Variants in LEMD1 observed in about 807,000 individuals in gnomAD.
The protein encoded by LEMD1 is LEM domain containing 1, also known as LEM domain-containing protein 1.
Under a neutral mutation model 17.4 loss-of-function variants are expected in LEMD1, and 18 were observed. The observed-to-expected ratio is 1.04, with a 90% CI of 0.72 to 1.54. The LOEUF is 1.54. Ranked by LOEUF, LEMD1 falls within the 40% of genes most tolerant of loss-of-function variation. The pLI is 0.00. For missense variants in LEMD1, 195 were observed against 210.4 expected (o/e 0.93, Z 0.45); for synonymous variants, 88 against 77.8 (o/e 1.13, Z -0.69).
chr1:205,410,742 T>C lies in LEMD1; in HGVS notation c.270+5490A>G, dbSNP rs1665350980. ...GTAGCGAGGCATGGTGCCCCGTGCC[T>C]GTAGTCCCAGCTACTTGGGAGGCTG... On this transcript the variant is annotated intron_variant, in intron 4 of 5. Transcript: ENST00000367153. Among the ~76,000 whole-genome samples, 2 of 152,140 alleles carry C rather than the reference T, an allele frequency of 1.3e-5. 1 individual carries two copies. Among genetic ancestry groups the C allele is most frequent in the South Asian group, 4.1e-4 (2 of 4,824 alleles).
upstream of LEMD1, among the ~76,000 whole-genome samples, chr1:205,426,483 T>G (rs997066524): frequency 2.0e-5 from 3 of 152,090 alleles, no homozygotes; most frequent in African/African-American, 7.2e-5. Context: ...AAATCTCCCC[T>G]GGTTGGGGGT....
rs934873487 is a variant in LEMD1, at chr1:205,441,447, CT to C, written c.-39+8420del. Among the ~76,000 whole-genome samples the C allele has an allele frequency of 2.0e-5, 3 of 152,174 alleles. No homozygotes were observed. Among genetic ancestry groups the C allele is most frequent in the Non-Finnish European group, 4.4e-5 (3 of 68,032 alleles). On this transcript the variant is annotated intron_variant, in intron 1 of 3. Transcript: ENST00000367154. The surrounding 1 kb of genome is among the most constrained non-coding windows in gnomAD (Gnocchi z 4.3). ...TAAAATAGCCTCCGGCTTGTGCCACCTTACACCAGGTTCTAGCTGGGGGCTT... is the reference window on the plus strand; with the variant it reads ...TAAAATAGCCTCCGGCTTGTGCCACCTACACCAGGTTCTAGCTGGGGGCTT...
chr1:205,381,623 G>A lies in LEMD1; in HGVS notation c.*35C>T. Reference sequence around the variant, plus strand: ...TTTTGGTTCTTTCCTGAAGCAGGAGGCCTCGCTTGGAGCATTGCTTTGCTC... The same window carrying A: ...TTTTGGTTCTTTCCTGAAGCAGGAGACCTCGCTTGGAGCATTGCTTTGCTC... On this transcript the variant is annotated 3_prime_UTR_variant, in exon 6 of 6. Transcript: ENST00000367153. 1 of 1,599,562 alleles carries A rather than the reference G, an allele frequency of 6.3e-7. No homozygotes were observed. The highest frequency in any genetic ancestry group is 8.6e-7 in the Non-Finnish European group (1 of 1,166,710).
At chr1:205,447,025 C>T (rs1455135057) in intron 1 of LEMD1, among the ~76,000 whole-genome samples, 2 of 152,220 alleles carry the variant, frequency 1.3e-5, no homozygotes, top group African/African-American at 4.8e-5. Context: ...GACGTGCATC[C>T]AATAGAGATC....
intron 4 of LEMD1, chr1:205,385,688 T>G (rs545402062): frequency 6.6e-6 from 1 of 152,360 alleles, no homozygotes; most frequent in Non-Finnish European, 1.5e-5. Flanking sequence ...AGACCATCTG[T>G]TGGATCTCAT....
chr1:205,394,591 G>A (rs189228391), intron 4 of LEMD1, among the ~76,000 whole-genome samples: 1 of 152,206 alleles, frequency 6.6e-6, no homozygotes, highest in Non-Finnish European at 1.5e-5. Context: ...TGCCATGTTG[G>A]CTGGGCTGGA....
chr1:205,438,439 C>T (rs766539487), intron 1 of LEMD1, among the ~76,000 whole-genome samples: 6 of 152,342 alleles, frequency 3.9e-5, no homozygotes, highest in South Asian at 2.1e-4. Flanking sequence ...AGGCCCAGGG[C>T]GCAGGGTCTG....
intron 4 of LEMD1, among the ~76,000 whole-genome samples, chr1:205,397,805 G>A (rs564355576): frequency 6.6e-6 from 1 of 152,080 alleles, no homozygotes; most frequent in South Asian, 2.1e-4. Flanking sequence ...CAATATTGGT[G>A]TATTCTTAGA....
At chr1:205,447,001 G>C (rs984237636) in intron 1 of LEMD1, among the ~76,000 whole-genome samples, 1 of 152,244 alleles carries the variant, frequency 6.6e-6, no homozygotes, top group African/African-American at 2.4e-5. Context: ...GTTGGGCCAC[G>C]GGGCCAATTT....
At chr1:205,433,414 G>A (rs906036687) in intron 1 of LEMD1, among the ~76,000 whole-genome samples, 12 of 152,104 alleles carry the variant, frequency 7.9e-5, no homozygotes, top group African/African-American at 7.2e-5. Flanking sequence ...CCGAGGTTGC[G>A]CCACTGCACT....
At chr1:205,408,147 C>G (rs1392258871) in intron 4 of LEMD1, among the ~76,000 whole-genome samples, 4 of 152,162 alleles carry the variant, frequency 2.6e-5, no homozygotes. Flanking sequence ...GTTGGTGAAA[C>G]TTGCATGGGG....
At chr1:205,397,061 G>GT (rs1403190968) in intron 4 of LEMD1, among the ~76,000 whole-genome samples, 4 of 152,126 alleles carry the variant, frequency 2.6e-5, no homozygotes, top group Admixed American at 6.5e-5. Context: ...CTGTGCCATG[G>GT]TTTTAGTTTG....
chr1:205,446,438 C>T (rs534706013), intron 1 of LEMD1, among the ~76,000 whole-genome samples: 1 of 152,346 alleles, frequency 6.6e-6, no homozygotes, highest in Admixed American at 6.5e-5. Context: ...TCAGCCATCC[C>T]TACAAAGTCC....
chr1:205,442,024 C>T (rs985718510), intron 1 of LEMD1, among the ~76,000 whole-genome samples: 2 of 152,210 alleles, frequency 1.3e-5, no homozygotes, highest in Non-Finnish European at 2.9e-5. Flanking sequence ...GCCTTAACCA[C>T]CTGCAGATTT....
At chr1:205,435,055 G>A (rs528481237) in intron 1 of LEMD1, 33 of 152,304 alleles carry the variant, frequency 2.2e-4, no homozygotes, top group African/African-American at 7.5e-4. Flanking sequence ...AGCCACCCCA[G>A]GAAACTTAAC....
intron 4 of LEMD1, among the ~76,000 whole-genome samples, chr1:205,409,564 GT>G (rs1314037859): frequency 6.6e-6 from 1 of 151,772 alleles, no homozygotes; most frequent in Admixed American, 6.6e-5. Flanking sequence ...CAAGTTAGTA[GT>G]AGAGCTGAGA....
intron 1 of LEMD1, chr1:205,435,514 T>C (rs1666191438): frequency 6.6e-6 from 1 of 152,188 alleles, no homozygotes; most frequent in Non-Finnish European, 1.5e-5. Context: ...CATGAAGCCA[T>C]TTGTTCCGGT....
At chr1:205,418,122 C>T (rs991194041) in intron 3 of LEMD1, among the ~76,000 whole-genome samples, 2 of 152,154 alleles carry the variant, frequency 1.3e-5, no homozygotes, top group Non-Finnish European at 2.9e-5. Flanking sequence ...GATGCTGGGC[C>T]AGTCACTTGG....
chr1:205,401,131 A>G (rs1173131496), intron 4 of LEMD1, among the ~76,000 whole-genome samples: 75 of 151,548 alleles, frequency 4.9e-4, no homozygotes, highest in Non-Finnish European at 2.8e-4. Flanking sequence ...AGTCTTTGCT[A>G]TTGTGAATAG....
Sources: gnomAD v4.1 joint callset for allele counts (sites outside exome capture counted in the v4.1 genomes callset) on GRCh38, gnomAD v4.1.1 for gene constraint, Gnocchi (gnomAD v3.1) non-coding constraint, MANE v1.5 for transcripts, NCBI Gene and HGNC (gene_info 2026-07-23, HGNC 2026-07-21) for gene names.